FGD4: variants seen among roughly 807,000 people sequenced by gnomAD.
The protein encoded by FGD4 is FYVE, RhoGEF and PH domain-containing protein 4.
A neutral mutation model predicts 102.0 loss-of-function variants in FGD4; 42 were observed. The ratio of observed to expected loss-of-function variants is 0.41; its 90% CI spans 0.32 to 0.53. The LOEUF (loss-of-function observed/expected upper bound fraction) is 0.53, where lower values mean the gene tolerates loss of function less well. Ranked by LOEUF, FGD4 falls within the 20% of genes least tolerant of loss-of-function variation. The pLI is 0.21. For synonymous variants in FGD4, 380 were observed against 375.7 expected, an observed-to-expected ratio of 1.01 and a Z score of -0.13; for missense variants, 902 against 1,078.2, an observed-to-expected ratio of 0.84 and a Z score of 2.29.
intron 4 of FGD4, among the ~76,000 whole-genome samples, chr12:32,592,127 G>C (rs1360931882): frequency 6.6e-6 from 1 of 151,974 alleles, no homozygotes; most frequent in Non-Finnish European, 1.5e-5. Flanking sequence ...CTTTCGCCCA[G>C]GCTGCGGTGC....
chr12:32,578,552 G>T (rs908119216), intron 3 of FGD4, among the ~76,000 whole-genome samples: 1 of 152,136 alleles, frequency 6.6e-6, no homozygotes, highest in African/African-American at 2.4e-5. Context: ...TTACCCGGCT[G>T]GGTACGGTGG....
intron 1 of FGD4, chr12:32,485,814 G>C: frequency 1.0e-6 from 1 of 975,544 alleles, no homozygotes; most frequent in Non-Finnish European, 1.2e-6. Context: ...ACATGTATTT[G>C]GCATCATACT....
chr12:32,463,841 CAA>C (rs1319122128), intron 1 of FGD4, among the ~76,000 whole-genome samples: 2 of 152,224 alleles, frequency 1.3e-5, no homozygotes, highest in African/African-American at 4.8e-5. Context: ...TGGTTAAAGA[CAA>C]GAGATAAAAA....
At chr12:32,461,733 G>C (rs1453538644) in intron 1 of FGD4, among the ~76,000 whole-genome samples, 1 of 152,040 alleles carries the variant, frequency 6.6e-6, no homozygotes, top group Non-Finnish European at 1.5e-5. Flanking sequence ...CAGTTTGTTT[G>C]TTTTTGTTTT....
chr12:32,481,127 C>CAAAAAA (rs1157108520), intron 1 of FGD4, among the ~76,000 whole-genome samples: 2,690 of 27,352 alleles, frequency 0.098, 849 homozygotes, highest in Non-Finnish European at 0.12. Flanking sequence ...GACTCCGTCT[C>CAAAAAA]AAAAAAAAAA....
At chr12:32,637,049 T>C (rs930943186) in intron 15 of FGD4, among the ~76,000 whole-genome samples, 2 of 70,736 alleles carry the variant, frequency 2.8e-5, no homozygotes, top group African/African-American at 7.2e-5. Context: ...TTTTTTCTTC[T>C]TTTTTTTTTT....
At position 32,643,410 on chromosome 12, in the gene FGD4, GTAT is replaced by G. The variant is rs1439240226; in HGVS notation, c.*2878_*2880del. 1 of 152,294 alleles carries G rather than the reference GTAT, an allele frequency of 6.6e-6. No homozygotes were observed. The highest frequency in any genetic ancestry group is 1.5e-5 in the Non-Finnish European group (1 of 67,906). The allele number at this position is 152,294 out of a possible 1,614,324, so 9.4% of individuals were successfully genotyped here. On this transcript the variant is annotated 3_prime_UTR_variant, in exon 17 of 17. Coordinates refer to ENST00000534526, the MANE Select transcript of FGD4 (RefSeq NM_001370298.3). ...GTGATACGGTAATTCGAATTGCAGA[GTAT>G]AAGGAAGGGAAATGGGAAGGGGCAT...
intron 16 of FGD4, among the ~76,000 whole-genome samples, chr12:32,639,585 G>A (rs1951046094): frequency 6.6e-6 from 1 of 152,126 alleles, no homozygotes; most frequent in Non-Finnish European, 1.5e-5. Flanking sequence ...ATTTTTTTGA[G>A]AACCCCACGT....
rs1379864720 is a variant in FGD4, at chr12:32,644,100, A to G, written c.*3567A>G. On this transcript the variant is annotated 3_prime_UTR_variant, in exon 17 of 17. Transcript: ENST00000534526. ...TGTTAGTGGGTCTAAGATTAAGCAC[A>G]TGATATTTATAAGCTAAAATTAACT... is the stretch of plus-strand genomic sequence containing the variant. 2 of 152,182 alleles carry G rather than the reference A, an allele frequency of 1.3e-5. No individual in the cohort carries two copies. The highest frequency in any genetic ancestry group is 2.4e-5 in the African/African-American group (1 of 41,470). 9.4% of individuals were successfully genotyped at this position (152,182 alleles called of 1,614,324 possible).
At position 32,593,352 on chromosome 12, in the gene FGD4, C is replaced by G. The variant is rs373839400; in HGVS notation, c.1012-5145C>G. On this transcript the variant is annotated intron_variant, in intron 4 of 16. Coordinates refer to ENST00000534526, the MANE Select transcript of FGD4 (RefSeq NM_001370298.3). ...TTTACTCATCTCCATCCCAAAATCC[C>G]TAGTAACTTTTCTGCAAACCTATAT... 1.1e-4 allele frequency among the ~76,000 whole-genome samples: 16 copies of G among 152,324 alleles called. No individual in the cohort carries two copies. The East Asian group carries it at 2.5e-3, about 24-fold the overall frequency.
chr12:32,608,785 T>TA (rs1948953019), intron 8 of FGD4, among the ~76,000 whole-genome samples: 1 of 152,246 alleles, frequency 6.6e-6, no homozygotes, highest in African/African-American at 2.4e-5. Context: ...TGTACAACCT[T>TA]AAAACATTGC....
rs144291236 is a variant in FGD4 at position 32,533,486 on chromosome 12, C to T, written c.167-30651C>T. On this transcript the variant is annotated intron_variant, in intron 1 of 16. Transcript: ENST00000534526. ...TGTCACCGAGGCTGGAGTGCAGCGG[C>T]GCAATCTCAGCTCACTGCAACCTCT... 1.1e-4 allele frequency among the ~76,000 whole-genome samples: 16 copies of T among 152,256 alleles called. 1 individual carries two copies. The highest frequency in any genetic ancestry group is 2.0e-4 in the Admixed American group (3 of 15,280).
intron 3 of FGD4, among the ~76,000 whole-genome samples, chr12:32,580,836 A>G (rs1946549135): frequency 6.6e-6 from 1 of 151,650 alleles, no homozygotes; most frequent in Non-Finnish European, 1.5e-5. Flanking sequence ...GCAGTGAGCC[A>G]AGATTGCGCC....
In FGD4 at chr12:32,640,496, A is replaced by G. The variant is rs767741996; in HGVS notation, c.2675A>G (p.Asp892Gly). ...GGPNEHPATL[D>G]DHPEPKKKSE... ...CCAAATGAGCATCCAGCCACCTTGG[A>G]TGATCATCCTGAACCTAAGAAAAAA... The change falls in exon 17 of 17, where the codon GAT becomes GGT. Residue 892 changes from aspartate to glycine, a missense_variant. Around this residue, in one of 2 missense-constraint regions of FGD4, gnomAD observed 459 missense variants for 619.0 expected, o/e 0.74. Transcript: ENST00000534526. 1.3e-5 allele frequency: 21 copies of G among 1,614,084 alleles called. No homozygotes were observed. Among genetic ancestry groups the G allele is most frequent in the Non-Finnish European group, 1.8e-5 (21 of 1,180,016 alleles).
intron 1 of FGD4, chr12:32,486,003 GTGTA>G: frequency 7.2e-7 from 1 of 1,396,982 alleles, no homozygotes; most frequent in Non-Finnish European, 9.2e-7. Context: ...AACACTAGAT[GTGTA>G]TGTGTCTAGT....
chr12:32,402,472 C>T (rs11051987), intron 1 of FGD4, among the ~76,000 whole-genome samples: 26,999 of 151,428 alleles, frequency 0.18, 3,011 homozygotes, highest in East Asian at 0.29. Flanking sequence ...ACTGTGTTGC[C>T]CAGGATAAGG....
In FGD4 at chr12:32,644,345, CTA is replaced by C. The variant is rs1279559130; in HGVS notation, c.*3814_*3815del. 6.6e-6 allele frequency: 1 copy of C among 152,076 alleles called. No homozygotes were observed. Among genetic ancestry groups the C allele is most frequent in the Admixed American group, 6.6e-5 (1 of 15,262 alleles). 9.4% of individuals were successfully genotyped at this position (152,076 alleles called of 1,614,324 possible). On this transcript the variant is annotated 3_prime_UTR_variant, in exon 17 of 17. Coordinates refer to ENST00000534526, the MANE Select transcript of FGD4 (RefSeq NM_001370298.3). ...ATAGATTCTCAGCTTTAGAAAATGA[CTA>C]TGATACATAAAGACCACTAGGTCAA...
chr12:32,559,659 C>G (rs879154389), intron 1 of FGD4, among the ~76,000 whole-genome samples: 1 of 152,262 alleles, frequency 6.6e-6, no homozygotes, highest in East Asian at 1.9e-4. Flanking sequence ...TTGGCACATT[C>G]GTGGGAGATA....
intron 2 of FGD4, among the ~76,000 whole-genome samples, chr12:32,570,420 A>AGTTT (rs1945565325): frequency 6.6e-6 from 1 of 151,408 alleles, no homozygotes; most frequent in Non-Finnish European, 1.5e-5. Context: ...AGTGCATAGG[A>AGTTT]GTTTATTTAT....
Sources: allele counts gnomAD v4.1 joint callset (sites outside exome capture counted in the v4.1 genomes callset), GRCh38; gene constraint gnomAD v4.1.1; regional missense constraint gnomAD v4.1.1; transcripts MANE v1.5; gene names NCBI Gene and HGNC (gene_info 2026-07-23, HGNC 2026-07-21).